Variants in STIM1 observed in about 807,000 individuals in gnomAD.
STIM1 encodes the protein stromal interaction molecule 1.
STIM1 carries 25 observed loss-of-function variants against 74.7 expected under a neutral mutation model. The observed-to-expected ratio is 0.33, with a 90% CI of 0.24 to 0.47. The LOEUF (loss-of-function observed/expected upper bound fraction) is 0.47, where lower values mean the gene tolerates loss of function less well. Ranked by LOEUF, STIM1 falls within the 20% of genes least tolerant of loss-of-function variation. The probability of loss-of-function intolerance (pLI) is 1.00; values close to 1 mark genes in which losing one functional copy is unlikely to be tolerated. For missense variants in STIM1, 728 were observed against 920.8 expected (o/e 0.79, Z 2.71); for synonymous variants, 328 against 348.8 (o/e 0.94, Z 0.66).
intron 3 of STIM1, among the ~76,000 whole-genome samples, chr11:4,051,203 T>C (rs1388389054): frequency 2.0e-5 from 3 of 152,350 alleles, no homozygotes; most frequent in South Asian, 2.1e-4. Context: ...AACACACTTA[T>C]AAACACAAAT....
At chr11:4,082,768 G>A in intron 8 of STIM1, 114 bp from the exon 9 acceptor site, 2 of 819,964 alleles carry the variant, frequency 2.4e-6, no homozygotes, top group East Asian at 2.6e-5. Context: ...CCCTTTCCTT[G>A]TACAGCCTCA....
chr11:3,974,490 A>G (rs1409831139), intron 2 of STIM1, among the ~76,000 whole-genome samples: 1 of 150,558 alleles, frequency 6.6e-6, no homozygotes, highest in Non-Finnish European at 1.5e-5. Flanking sequence ...AGCCTGGACA[A>G]CATAGGGAGA....
At chr11:3,870,869 C>CTTTT (rs1178631644) in intron 1 of STIM1, among the ~76,000 whole-genome samples, 38 of 98,152 alleles carry the variant, frequency 3.9e-4, no homozygotes, top group African/African-American at 1.2e-3. Context: ...ATCAGCTACT[C>CTTTT]TTTTTTTTTT....
intron 1 of STIM1, among the ~76,000 whole-genome samples, chr11:3,945,993 T>C (rs997728525): frequency 2.6e-5 from 4 of 152,130 alleles, no homozygotes; most frequent in Admixed American, 2.0e-4. Flanking sequence ...AGAACTATCA[T>C]GAAGACAGCA....
intron 1 of STIM1, among the ~76,000 whole-genome samples, chr11:3,910,215 G>A (rs1002906219): frequency 7.2e-5 from 11 of 152,208 alleles, no homozygotes; most frequent in African/African-American, 2.7e-4. Context: ...TAAAATAAGG[G>A]ATAGACATGG....
chr11:3,940,144 C>T (rs937165311), intron 1 of STIM1, among the ~76,000 whole-genome samples: 2 of 152,130 alleles, frequency 1.3e-5, no homozygotes, highest in African/African-American at 4.8e-5. Flanking sequence ...TATTTAGTAG[C>T]TTTACCCAGA....
chr11:4,069,956 T>C, intron 5 of STIM1, 70 bp from the exon 6 acceptor site: 1 of 1,548,584 alleles, frequency 6.5e-7, no homozygotes, highest in Non-Finnish European at 8.9e-7. Context: ...AGAGGAGGGA[T>C]GCAGTGGAGT....
chr11:3,885,183 ATT>A (rs139230723), intron 1 of STIM1, among the ~76,000 whole-genome samples: 15 of 147,360 alleles, frequency 1.0e-4, no homozygotes, highest in Admixed American at 2.0e-4. Context: ...AACATAGATA[ATT>A]TTTTTTTTTT....
At chr11:4,018,321 G>A (rs371935740) in intron 2 of STIM1, among the ~76,000 whole-genome samples, 27 of 150,086 alleles carry the variant, frequency 1.8e-4, no homozygotes, top group East Asian at 3.9e-4. Flanking sequence ...GCGCGGTGGC[G>A]GGCGCCTGTA....
chr11:3,970,089 T>TTTC (rs1226121759), intron 2 of STIM1, among the ~76,000 whole-genome samples: 1 of 151,924 alleles, frequency 6.6e-6, no homozygotes, highest in Non-Finnish European at 1.5e-5. Context: ...TTTTTTTTTT[T>TTTC]TGTTACATCC....
chr11:3,978,677 C>A (rs1466256365), intron 2 of STIM1, among the ~76,000 whole-genome samples: 1 of 151,888 alleles, frequency 6.6e-6, no homozygotes, highest in Non-Finnish European at 1.5e-5. Flanking sequence ...ATGAGAATCA[C>A]CTGAACCCCA....
chr11:3,891,794 C>G (rs1005175007), intron 1 of STIM1, among the ~76,000 whole-genome samples: 1 of 152,146 alleles, frequency 6.6e-6, no homozygotes, highest in African/African-American at 2.4e-5. Context: ...CTGCATCTTT[C>G]TAGAGTGTAG....
At chr11:4,075,217 A>G (rs1162078216) in intron 7 of STIM1, among the ~76,000 whole-genome samples, 1 of 152,222 alleles carries the variant, frequency 6.6e-6, no homozygotes, top group African/African-American at 2.4e-5. Context: ...AGAACAGTGG[A>G]TAATAGGTGA....
chr11:4,070,064 G>A lies in STIM1; in HGVS notation c.652G>A (p.Val218Met). ...TCACCTCAAGGACTTCATGCTGGTG[G>A]TGTCTATCGTTATTGGTGTGGGCGG... ...HNHLKDFMLVVSIVIGVGGCW... is the reference protein window; with the variant it reads ...HNHLKDFMLVMSIVIGVGGCW... Residue 218 changes from valine to methionine, a missense_variant, in exon 6 of 13, where the codon GTG (valine) becomes ATG (methionine). Val to Met is a conservative substitution (Grantham distance 21). This residue lies in a region of STIM1 where 132 missense variants were observed against 158.2 expected (regional missense o/e 0.83). Transcript: ENST00000526596. 6.2e-7 allele frequency: 1 copy of A among 1,614,160 alleles called. No individual in the cohort carries two copies. Among genetic ancestry groups the A allele is most frequent in the Non-Finnish European group, 8.5e-7 (1 of 1,180,012 alleles).
intron 1 of STIM1, among the ~76,000 whole-genome samples, chr11:3,904,575 T>C (rs2092430000): frequency 6.6e-6 from 1 of 152,122 alleles, no homozygotes; most frequent in Non-Finnish European, 1.5e-5. Flanking sequence ...GAAGACCTCT[T>C]ATATGCCTGT....
At chr11:3,983,140 G>T (rs1207714429) in intron 2 of STIM1, among the ~76,000 whole-genome samples, 1 of 152,090 alleles carries the variant, frequency 6.6e-6, no homozygotes, top group Admixed American at 6.5e-5. Context: ...CTCTGTGTTG[G>T]CCAGGCTGGT....
At chr11:3,931,431 C>T (rs1249969649) in intron 1 of STIM1, among the ~76,000 whole-genome samples, 3 of 152,178 alleles carry the variant, frequency 2.0e-5, no homozygotes, top group Admixed American at 6.5e-5. Context: ...AGTGATGTCA[C>T]TCCTTGGTAA....
chr11:4,007,467 G>C (rs2093793655), intron 2 of STIM1, among the ~76,000 whole-genome samples: 1 of 152,182 alleles, frequency 6.6e-6, no homozygotes, highest in African/African-American at 2.4e-5. Context: ...GAACATCAAA[G>C]TTACAGCTCA....
chr11:3,922,914 A>G (rs1463849937), intron 1 of STIM1, among the ~76,000 whole-genome samples: 1 of 152,026 alleles, frequency 6.6e-6, no homozygotes, highest in East Asian at 1.9e-4. Context: ...CCTGGTTAAC[A>G]TGGTGAAACC....
Sources: allele counts gnomAD v4.1 joint callset (sites outside exome capture counted in the v4.1 genomes callset), GRCh38; gene constraint gnomAD v4.1.1; regional missense constraint gnomAD v4.1.1; transcripts MANE v1.5; gene names NCBI Gene and HGNC (gene_info 2026-07-23, HGNC 2026-07-21).